CKAP4: variants seen among roughly 807,000 people sequenced by gnomAD.
The protein encoded by CKAP4 is cytoskeleton associated protein 4.
A neutral mutation model predicts 24.4 loss-of-function variants in CKAP4; 20 were observed. The observed-to-expected ratio is 0.82, with a 90% confidence interval of 0.58 to 1.19. The LOEUF (loss-of-function observed/expected upper bound fraction) is 1.19, where lower values mean the gene tolerates loss of function less well. Among genes scored for constraint, CKAP4 ranks in the 50% most tolerant of loss-of-function variants. CKAP4 has a pLI of 0.00. For synonymous variants in CKAP4, 378 were observed against 351.7 expected, an observed-to-expected ratio of 1.07 and a Z score of -0.84; for missense variants, 744 against 765.3, an observed-to-expected ratio of 0.97 and a Z score of 0.33.
At chr12:106,240,676 A>G (rs968593280) in intron 1 of CKAP4, among the ~76,000 whole-genome samples, 1 of 150,834 alleles carries the variant, frequency 6.6e-6, no homozygotes, top group Admixed American at 6.6e-5. Flanking sequence ...TGCAAAAAAA[A>G]AAAAAAGAAA....
Position 106,240,219 on chromosome 12 carries a change from T to C in CKAP4, c.614A>G (p.Gln205Arg), listed in dbSNP as rs748113741. ...SEVSRISEVLQKLQNEILKDL... is the reference protein window; with the variant it reads ...SEVSRISEVLRKLQNEILKDL... ...TTTGAGAATCTCATTCTGGAGTTTCTGCAGCACTTCGCTGATCCGGCTGAC... is the reference window on the plus strand; with the variant it reads ...TTTGAGAATCTCATTCTGGAGTTTCCGCAGCACTTCGCTGATCCGGCTGAC... Residue 205 changes from glutamine to arginine, a missense_variant, in exon 2 of 2, where the codon CAG (glutamine) becomes CGG (arginine). Transcript: ENST00000378026. The C allele has an allele frequency of 1.2e-6, 2 of 1,614,188 alleles. No homozygotes were observed. The highest frequency in any genetic ancestry group is 1.7e-6 in the Non-Finnish European group (2 of 1,180,040).
rs1049385 is a variant in CKAP4 at position 106,238,063 on chromosome 12, G to A, written c.*961C>T. Reference sequence around the variant, plus strand: ...AGCCATTAAAGAACAATACAGCTCAGAGGGAAGGGAGATACAGCAAACAAT... The same window carrying A: ...AGCCATTAAAGAACAATACAGCTCAAAGGGAAGGGAGATACAGCAAACAAT... On this transcript the variant is annotated 3_prime_UTR_variant, in exon 2 of 2. Transcript: ENST00000378026. The A allele has an allele frequency of 1.6e-5, 2 of 125,018 alleles. No individual in the cohort carries two copies. The allele number at this position is 125,018 out of a possible 1,614,324, so 7.7% of individuals were successfully genotyped here.
At position 106,247,698 on chromosome 12, in the gene CKAP4, G is replaced by A; in HGVS notation, c.154C>T (p.Gln52Ter). The A allele has an allele frequency of 1.9e-6, 2 of 1,040,026 alleles. No individual in the cohort carries two copies. Among genetic ancestry groups the A allele is most frequent in the Non-Finnish European group, 2.3e-6 (2 of 876,302 alleles). 64.4% of individuals were successfully genotyped at this position (1,040,026 alleles called of 1,614,324 possible). ...TGCGGGTGCTGCTGCGGGTGCTGCTGCGGGTGCGGCGCGGGCGGCGGCGGC... is the reference window on the plus strand; with the variant it reads ...TGCGGGTGCTGCTGCGGGTGCTGCTACGGGTGCGGCGCGGGCGGCGGCGGC... ...QPPPPPAPHP[Q>*]QHPQQHPQNQ... The change falls in exon 1 of 2, where the codon CAG becomes TAG. Residue 52 changes from glutamine to a stop codon, truncating the protein, a stop_gained. Coordinates refer to ENST00000378026, the MANE Select transcript of CKAP4 (RefSeq NM_006825.4). LOFTEE classifies it high-confidence loss of function. The surrounding 1 kb of genome is among the most constrained non-coding windows in gnomAD (Gnocchi z 4.5).
At position 106,239,117 on chromosome 12, in the gene CKAP4, G is replaced by A; in HGVS notation, c.1716C>T (p.Asn572=). ...AYSVKIETNE[N]NLESAKGLLD... is the part of the protein sequence containing the mutation. ...GTAAACCCTTGGCTGATTCCAGATT[G>A]TTCTCGTTGGTTTCTATTTTGACCG... The change falls in exon 2 of 2, where the codon AAC becomes AAT. Residue 572 remains asparagine, a synonymous_variant. Coordinates refer to ENST00000378026, the MANE Select transcript of CKAP4 (RefSeq NM_006825.4). This position sits in a 1 kb window ranked among gnomAD's most constrained non-coding sequence, Gnocchi z 4.9. The A allele has an allele frequency of 6.2e-7, 1 of 1,613,912 alleles. No homozygotes were observed. Among genetic ancestry groups the A allele is most frequent in the Non-Finnish European group, 8.5e-7 (1 of 1,180,014 alleles).
Position 106,247,669 on chromosome 12 carries a change from G to T in CKAP4, c.183C>A (p.Asn61Lys), listed in dbSNP as rs980278346. The T allele has an allele frequency of 9.0e-7, 1 of 1,106,914 alleles. No homozygotes were observed. Among genetic ancestry groups the T allele is most frequent in the Non-Finnish European group, 1.1e-6 (1 of 895,224 alleles). 68.6% of individuals were successfully genotyped at this position (1,106,914 alleles called of 1,614,324 possible). Residue 61 changes from asparagine to lysine, a missense_variant, in exon 1 of 2, where the codon AAC (asparagine) becomes AAA (lysine). Asn to Lys is a moderately conservative substitution (Grantham distance 94). Transcript: ENST00000378026. The surrounding 1 kb of genome is among the most constrained non-coding windows in gnomAD (Gnocchi z 4.5). ...PQQHPQQHPQ[N>K]QAHGKGGHRG... The stretch of plus-strand genomic sequence containing the variant: ...GGTGGCCGCCCTTGCCGTGCGCCTG[G>T]TTCTGCGGGTGCTGCTGCGGGTGCT...
At position 106,247,735 on chromosome 12, in the gene CKAP4, C is replaced by A. The variant is rs1239211475; in HGVS notation, c.117G>T (p.Ala39=). 1.9e-6 allele frequency: 2 copies of A among 1,045,568 alleles called. No individual in the cohort carries two copies. Among genetic ancestry groups the A allele is most frequent in the Non-Finnish European group, 2.3e-6 (2 of 875,346 alleles). The allele number at this position is 1,045,568 out of a possible 1,614,324, so 64.8% of individuals were successfully genotyped here. ...CGGGCGGCGGCGGCGGCTGCTGCGG[C>A]GCCGGCGGCGGCTTCTTCGCCACGT... The part of the protein sequence containing the change: ...ADDVAKKPPP[A]PQQPPPPPAP... Residue 39 remains alanine (A), a synonymous_variant, in exon 1 of 2, where the codon GCG becomes GCT. Coordinates refer to ENST00000378026, the MANE Select transcript of CKAP4 (RefSeq NM_006825.4). This position sits in a 1 kb window ranked among gnomAD's most constrained non-coding sequence, Gnocchi z 4.5.
At position 106,247,363 on chromosome 12, in the gene CKAP4, A is replaced by G. The variant is rs1203859002; in HGVS notation, c.483+6T>C. Reference sequence around the variant, plus strand: ...TGGGGACAGTTGCGGGGCCGGGGGTACCCACCTTCTGCTCGACGCCCTGCA... The same window carrying G: ...TGGGGACAGTTGCGGGGCCGGGGGTGCCCACCTTCTGCTCGACGCCCTGCA... On this transcript the variant is annotated splice_donor_region_variant and intron_variant, in intron 1 of 1. Coordinates refer to ENST00000378026, the MANE Select transcript of CKAP4 (RefSeq NM_006825.4). The surrounding 1 kb of genome is among the most constrained non-coding windows in gnomAD (Gnocchi z 4.5). The G allele has an allele frequency of 6.6e-7, 1 of 1,521,052 alleles. No homozygotes were observed. Among genetic ancestry groups the G allele is most frequent in the South Asian group, 1.2e-5 (1 of 83,296 alleles). 94.2% of individuals were successfully genotyped at this position (1,521,052 alleles called of 1,614,324 possible). A position where few individuals can be genotyped will look rare whatever the true frequency, so the allele number is the denominator to read the frequency against.
rs2033936316 is a variant in CKAP4, at chr12:106,238,838, A to G, written c.*186T>C. ...GGAAACCAACCAAATGCAGAAGCAG[A>G]GAACTTAAATATTGTAAATAAGTTA... On this transcript the variant is annotated 3_prime_UTR_variant, in exon 2 of 2. Coordinates refer to ENST00000378026, the MANE Select transcript of CKAP4 (RefSeq NM_006825.4). 1.5e-6 allele frequency: 1 copy of G among 664,928 alleles called. No individual in the cohort carries two copies. Among genetic ancestry groups the G allele is most frequent in the Non-Finnish European group, 2.6e-6 (1 of 391,904 alleles). 41.2% of individuals were successfully genotyped at this position (664,928 alleles called of 1,614,324 possible). A position where few individuals can be genotyped will look rare whatever the true frequency, so the allele number is the denominator to read the frequency against.
intron 1 of CKAP4, among the ~76,000 whole-genome samples, chr12:106,245,846 C>T (rs559132187): frequency 9.2e-5 from 14 of 152,166 alleles, no homozygotes; most frequent in African/African-American, 3.4e-4. Flanking sequence ...CCGCCCGCCT[C>T]GGCCTCCTAC....
Position 106,239,507 on chromosome 12 carries a change from C to G in CKAP4, c.1326G>C (p.Gln442His). Residue 442 changes from glutamine (Q) to histidine (H), a missense_variant, in exon 2 of 2, where the codon CAG (glutamine) becomes CAC (histidine). Transcript: ENST00000378026. This position sits in a 1 kb window ranked among gnomAD's most constrained non-coding sequence, Gnocchi z 4.9. ...ESLESLLSKS[Q>H]EHEQRLAALQ... Reference sequence around the variant, plus strand: ...GGGCGGCCAGGCGCTGCTCGTGCTCCTGGCTCTTGGACAGGAGGGACTCCA... The same window carrying G: ...GGGCGGCCAGGCGCTGCTCGTGCTCGTGGCTCTTGGACAGGAGGGACTCCA... 1 of 1,609,630 alleles carries G rather than the reference C, an allele frequency of 6.2e-7. No individual in the cohort carries two copies. Among genetic ancestry groups the G allele is most frequent in the Non-Finnish European group, 8.5e-7 (1 of 1,179,532 alleles).
In CKAP4 at chr12:106,238,588, G is replaced by A. The variant is rs1051088126; in HGVS notation, c.*436C>T. 10 of 158,262 alleles carry A rather than the reference G, an allele frequency of 6.3e-5. No homozygotes were observed. The highest frequency in any genetic ancestry group is 8.3e-5 in the Non-Finnish European group (6 of 72,400). The allele number at this position is 158,262 out of a possible 1,614,324, so 9.8% of individuals were successfully genotyped here. On this transcript the variant is annotated 3_prime_UTR_variant, in exon 2 of 2. Coordinates refer to ENST00000378026, the MANE Select transcript of CKAP4 (RefSeq NM_006825.4). ...GTGAGAGATATCTCATAAAAATTTC[G>A]GCCAGAACAAAAAAAAAAGTAAAAT...
rs553980888 is a variant in CKAP4 at position 106,238,445 on chromosome 12, CCAT to C, written c.*576_*578del. The C allele has an allele frequency of 2.6e-5, 4 of 153,816 alleles. No homozygotes were observed. In the South Asian group the frequency reaches 8.2e-4, roughly 31 times the overall value. 9.5% of individuals were successfully genotyped at this position (153,816 alleles called of 1,614,324 possible). ...GTCAGGAAGAGAAACGACACGCACACCATGAGGGAGGCAGCCCTCAAGCAGCGG... is the reference window on the plus strand; with the variant it reads ...GTCAGGAAGAGAAACGACACGCACACGAGGGAGGCAGCCCTCAAGCAGCGG... On this transcript the variant is annotated 3_prime_UTR_variant, in exon 2 of 2. Coordinates refer to ENST00000378026, the MANE Select transcript of CKAP4 (RefSeq NM_006825.4).
chr12:106,238,889 G>C lies in CKAP4; in HGVS notation c.*135C>G. ...ACTGGGCATGAAAATACAATGCCTT[G>C]GTGTTCAGGTGGTGACAACTGCTCT... On this transcript the variant is annotated 3_prime_UTR_variant, in exon 2 of 2. Coordinates refer to ENST00000378026, the MANE Select transcript of CKAP4 (RefSeq NM_006825.4). 1.2e-6 allele frequency: 1 copy of C among 835,376 alleles called. No homozygotes were observed. The highest frequency in any genetic ancestry group is 1.7e-5 in the African/African-American group (1 of 59,050). The allele number at this position is 835,376 out of a possible 1,614,324, so 51.7% of individuals were successfully genotyped here. A position where few individuals can be genotyped will look rare whatever the true frequency, so the allele number is the denominator to read the frequency against.
intron 1 of CKAP4, among the ~76,000 whole-genome samples, chr12:106,246,165 T>C (rs1178198842): frequency 6.6e-6 from 1 of 152,164 alleles, no homozygotes; most frequent in Non-Finnish European, 1.5e-5. Flanking sequence ...GGTCCATCCA[T>C]ACCTGAAATG....
At chr12:106,242,140 C>A (rs539753996) in intron 1 of CKAP4, among the ~76,000 whole-genome samples, 7 of 152,272 alleles carry the variant, frequency 4.6e-5, no homozygotes, top group African/African-American at 1.4e-4. Context: ...CCTATCTGTA[C>A]CTTGGTTTCC....
chr12:106,242,044 C>T (rs1053738754), intron 1 of CKAP4, among the ~76,000 whole-genome samples: 1 of 152,170 alleles, frequency 6.6e-6, no homozygotes, highest in Non-Finnish European at 1.5e-5. Flanking sequence ...AAAAATAAAA[C>T]AGCACGGTCT....
chr12:106,240,254 C>T lies in CKAP4; in HGVS notation c.579G>A (p.Gly193=). 2 of 1,614,166 alleles carry T rather than the reference C, an allele frequency of 1.2e-6. No homozygotes were observed. Among genetic ancestry groups the T allele is most frequent in the African/African-American group, 1.3e-5 (1 of 75,032 alleles). ...CGCTGATCCGGCTGACCTCACTCTC[C>T]CCTTGCTTCACAGCTTTCTCTGTGA... ...QDLTEKAVKQ[G]ESEVSRISEV... Residue 193 remains glycine, a synonymous_variant, in exon 2 of 2, where the codon GGG becomes GGA. Transcript: ENST00000378026.
At position 106,247,824 on chromosome 12, in the gene CKAP4, T is replaced by C; in HGVS notation, c.28A>G (p.Lys10Glu). 1.9e-6 allele frequency: 2 copies of C among 1,047,562 alleles called. No homozygotes were observed. Among genetic ancestry groups the C allele is most frequent in the East Asian group, 7.9e-5 (1 of 12,672 alleles). The allele number at this position is 1,047,562 out of a possible 1,614,324, so 64.9% of individuals were successfully genotyped here. ...GGGCTCGCGGCGCCGTGGCCGCCCT[T>C]GGAGCCCCTTTGTTTGGCCGAGGGC... MPSAKQRGS[K>E]GGHGAASPSE... Residue 10 changes from lysine to glutamate, a missense_variant, in exon 1 of 2, where the codon AAG becomes GAG. Physicochemically the swap from Lys to Glu is moderately conservative, Grantham distance 56. Around this residue, in one of 3 missense-constraint regions of CKAP4, gnomAD observed 300 missense variants for 264.5 expected, o/e 1.13. Transcript: ENST00000378026. This position sits in a 1 kb window ranked among gnomAD's most constrained non-coding sequence, Gnocchi z 4.5.
intron 1 of CKAP4, among the ~76,000 whole-genome samples, chr12:106,243,972 A>G (rs965716171): frequency 3.3e-5 from 5 of 152,242 alleles, no homozygotes; most frequent in South Asian, 2.1e-4. Flanking sequence ...TACTGTAAGT[A>G]TACTTCCCTG....
Sources: allele counts gnomAD v4.1 joint callset (sites outside exome capture counted in the v4.1 genomes callset), GRCh38; gene constraint gnomAD v4.1.1; regional missense constraint gnomAD v4.1.1; non-coding constraint Gnocchi (gnomAD v3.1); transcripts MANE v1.5; gene names NCBI Gene and HGNC (gene_info 2026-07-23, HGNC 2026-07-21).